The following C10orf90 variants were observed in gnomAD, a reference collection of about 807,000 sequenced individuals.
The protein encoded by C10orf90 is chromosome 10 open reading frame 90.
C10orf90 carries 56 observed loss-of-function variants against 62.5 expected under a neutral mutation model. That is an observed-to-expected ratio of 0.90 (90% CI 0.72 to 1.12). C10orf90 has a LOEUF of 1.12. Among genes scored for constraint, C10orf90 ranks in the 50% most tolerant of loss-of-function variants. The pLI is 0.00. For missense variants in C10orf90, 970 were observed against 880.4 expected, an observed-to-expected ratio of 1.10 and a Z score of -1.29; for synonymous variants, 386 against 340.4, an observed-to-expected ratio of 1.13 and a Z score of -1.47.
At chr10:126,663,909 G>C (rs556428907) in intron 1 of C10orf90, among the ~76,000 whole-genome samples, 1 of 152,270 alleles carries the variant, frequency 6.6e-6, no homozygotes, top group East Asian at 1.9e-4. Flanking sequence ...TCTTCCATAA[G>C]ATGGTAAAAC....
intron 6 of C10orf90, among the ~76,000 whole-genome samples, chr10:126,459,979 A>G (rs755362389): frequency 1.3e-5 from 2 of 152,230 alleles, no homozygotes; most frequent in Non-Finnish European, 2.9e-5. Flanking sequence ...ATTTCTTTCC[A>G]TTTGACAGAT....
chr10:126,533,459 T>A (rs530750798), intron 2 of C10orf90, among the ~76,000 whole-genome samples: 1 of 152,320 alleles, frequency 6.6e-6, no homozygotes, highest in East Asian at 1.9e-4. Context: ...ATCTGTCTTA[T>A]CATGTAAAAA....
At chr10:126,524,543 G>C (rs532422931) in intron 2 of C10orf90, 1 of 769,530 alleles carries the variant, frequency 1.3e-6, no homozygotes, top group African/African-American at 1.9e-5. Context: ...GCAGCAAGAA[G>C]GTGCACTGGG....
intron 4 of C10orf90, among the ~76,000 whole-genome samples, chr10:126,475,958 T>C (rs1257965218): frequency 6.6e-6 from 1 of 152,190 alleles, no homozygotes; most frequent in Non-Finnish European, 1.5e-5. Flanking sequence ...TTTGGTGCTT[T>C]GTGGGCTGGG....
intron 4 of C10orf90, among the ~76,000 whole-genome samples, chr10:126,474,408 A>G (rs980070770): frequency 1.3e-5 from 2 of 152,230 alleles, no homozygotes; most frequent in African/African-American, 4.8e-5. Flanking sequence ...GAGAACAAGA[A>G]TAAGAACAAA....
At chr10:126,471,116 G>T (rs1860564307) in intron 4 of C10orf90, among the ~76,000 whole-genome samples, 1 of 152,210 alleles carries the variant, frequency 6.6e-6, no homozygotes, top group East Asian at 1.9e-4. Context: ...CGGCAGAGAG[G>T]ATGGAAGCAG....
chr10:126,566,242 A>G (rs866399166), intron 2 of C10orf90, among the ~76,000 whole-genome samples: 2 of 152,240 alleles, frequency 1.3e-5, no homozygotes, highest in Non-Finnish European at 2.9e-5. Context: ...AAATGGAGGT[A>G]GCTATGATTG....
At chr10:126,640,362 C>A (rs1264408113) in intron 2 of C10orf90, among the ~76,000 whole-genome samples, 3 of 152,242 alleles carry the variant, frequency 2.0e-5, no homozygotes, top group Non-Finnish European at 4.4e-5. Flanking sequence ...GATTCCCACC[C>A]TGCTCCGCAG....
intron 7 of C10orf90, among the ~76,000 whole-genome samples, chr10:126,434,851 G>A (rs956340796): frequency 6.6e-6 from 1 of 152,134 alleles, no homozygotes; most frequent in African/African-American, 2.4e-5. Context: ...AGCTCACCAT[G>A]GTGGACCCTC....
intron 2 of C10orf90, among the ~76,000 whole-genome samples, chr10:126,532,591 A>C (rs1206517294): frequency 6.6e-6 from 1 of 151,824 alleles, no homozygotes; most frequent in Non-Finnish European, 1.5e-5. Flanking sequence ...TAGTCCCTGC[A>C]CTTTGGGAGG....
chr10:126,439,449 A>G (rs535575953), intron 7 of C10orf90, among the ~76,000 whole-genome samples: 2 of 152,342 alleles, frequency 1.3e-5, no homozygotes, highest in East Asian at 3.9e-4. Flanking sequence ...ATAATGTGAT[A>G]ATTGTCCAGT....
chr10:126,575,815 A>G (rs1050576165), intron 2 of C10orf90, among the ~76,000 whole-genome samples: 4 of 152,086 alleles, frequency 2.6e-5, no homozygotes, highest in Non-Finnish European at 5.9e-5. Context: ...GGTGCCAAGA[A>G]CACTCATTGG....
intron 1 of C10orf90, among the ~76,000 whole-genome samples, chr10:126,655,797 G>T (rs1249001834): frequency 7.1e-6 from 1 of 141,046 alleles, no homozygotes; most frequent in Non-Finnish European, 1.5e-5. Flanking sequence ...CTCAGTTGTT[G>T]TTTTTCTTCT....
At chr10:126,522,056 G>T (rs530477680) in intron 2 of C10orf90, among the ~76,000 whole-genome samples, 1 of 152,064 alleles carries the variant, frequency 6.6e-6, no homozygotes, top group Non-Finnish European at 1.5e-5. Context: ...ATCCCCTAAG[G>T]TCAGAAGTTC....
chr10:126,565,349 A>ATATATAATATATT (rs1353550333), intron 2 of C10orf90, among the ~76,000 whole-genome samples: 1 of 63,780 alleles, frequency 1.6e-5, no homozygotes, highest in South Asian at 3.8e-4. Flanking sequence ...TATAATATAT[A>ATATATAATATATT]ATATATAATA....
intron 2 of C10orf90, among the ~76,000 whole-genome samples, chr10:126,532,815 T>C (rs1301386576): frequency 6.1e-5 from 2 of 32,566 alleles, no homozygotes; most frequent in Admixed American, 4.1e-4. Flanking sequence ...CCAGCTCCAG[T>C]CTGGGCAACA....
intron 8 of C10orf90, 72 bp from the exon 9 acceptor site, chr10:126,426,162 C>A: frequency 8.3e-7 from 1 of 1,210,184 alleles, no homozygotes. Flanking sequence ...TGCATCCTGT[C>A]TTGACGGCAG....
At chr10:126,550,294 G>C (rs1212229814) in intron 2 of C10orf90, among the ~76,000 whole-genome samples, 1 of 152,012 alleles carries the variant, frequency 6.6e-6, no homozygotes, top group Non-Finnish European at 1.5e-5. Flanking sequence ...TTATAGAAAA[G>C]GAGGATAGAA....
intron 2 of C10orf90, among the ~76,000 whole-genome samples, chr10:126,629,415 T>G (rs1266293158): frequency 2.0e-5 from 3 of 152,202 alleles, no homozygotes; most frequent in African/African-American, 7.2e-5. Context: ...AGACCATCTC[T>G]TCGGCACCCT....
Sources: allele counts gnomAD v4.1 joint callset (sites outside exome capture counted in the v4.1 genomes callset), GRCh38; gene constraint gnomAD v4.1.1; transcripts MANE v1.5; gene names NCBI Gene and HGNC (gene_info 2026-07-23, HGNC 2026-07-21).